The following TLE4 variants were observed in gnomAD, a reference collection of about 807,000 sequenced individuals.
TLE4 encodes TLE family member 4, transcriptional corepressor.
TLE4 carries 8 observed loss-of-function variants against 92.8 expected under a neutral mutation model. The ratio of observed to expected loss-of-function variants is 0.09; its 90% CI spans 0.05 to 0.16. The LOEUF is 0.16. Among genes scored for constraint, TLE4 ranks in the 10% least tolerant of loss-of-function variants. The pLI is 1.00. For synonymous variants in TLE4, 371 were observed against 374.1 expected (o/e 0.99, Z 0.10); for missense variants, 675 against 997.6 (o/e 0.68, Z 4.36).
At chr9:79,718,676 A>AT (rs1443668863) in intron 14 of TLE4, 46 bp from the exon 15 acceptor site, 5 of 1,573,078 alleles carry the variant, frequency 3.2e-6, no homozygotes, top group Non-Finnish European at 4.3e-6. Context: ...GTTAAGTGAC[A>AT]TTTTTTTACA....
intron 5 of TLE4, among the ~76,000 whole-genome samples, chr9:79,615,855 C>T (rs2049452096): frequency 6.6e-6 from 1 of 152,136 alleles, no homozygotes; most frequent in African/African-American, 2.4e-5. Flanking sequence ...CTGTTGCACT[C>T]ACGTACAACT....
intron 8 of TLE4, among the ~76,000 whole-genome samples, chr9:79,673,332 C>G (rs2062727961): frequency 6.6e-6 from 1 of 152,082 alleles, no homozygotes; most frequent in Admixed American, 6.6e-5. Context: ...TCCCTCTAAC[C>G]AAACAATTTC....
At chr9:79,653,937 A>T in intron 7 of TLE4, 122 bp from the exon 8 acceptor site, 1 of 1,145,164 alleles carries the variant, frequency 8.7e-7, no homozygotes, top group Non-Finnish European at 1.3e-6. Flanking sequence ...CATCTGTGTA[A>T]TTTATTATTT....
At chr9:79,709,872 G>T (rs961902865) in intron 14 of TLE4, among the ~76,000 whole-genome samples, 173 bp downstream of exon 14, 1 of 152,204 alleles carries the variant, frequency 6.6e-6, no homozygotes, top group African/African-American at 2.4e-5. Context: ...GTAATGAAGT[G>T]GGGTTTTGCA....
intron 5 of TLE4, among the ~76,000 whole-genome samples, chr9:79,617,959 TCCTTGCAC>T (rs1398927304): frequency 2.6e-5 from 4 of 152,252 alleles, no homozygotes; most frequent in African/African-American, 9.6e-5. Flanking sequence ...ACGTTCATCA[TCCTTGCAC>T]CATTGTGTCT....
At chr9:79,649,296 AC>A in intron 6 of TLE4, among the ~76,000 whole-genome samples, 1 of 151,500 alleles carries the variant, frequency 6.6e-6, no homozygotes, top group African/African-American at 2.4e-5. Context: ...ACACACACAC[AC>A]ACACAACAAG....
chr9:79,578,916 G>C (rs1443383040), intron 4 of TLE4, among the ~76,000 whole-genome samples: 2 of 147,538 alleles, frequency 1.4e-5, no homozygotes, highest in African/African-American at 5.0e-5. Context: ...GTAATCTTTA[G>C]GATTGATAGA....
intron 8 of TLE4, among the ~76,000 whole-genome samples, chr9:79,680,557 T>C (rs1157765229): frequency 2.0e-5 from 3 of 152,212 alleles, no homozygotes; most frequent in Admixed American, 6.5e-5. Context: ...AGATATACAA[T>C]CATGTCATCT....
At chr9:79,655,822 T>C (rs2059700189) in intron 8 of TLE4, among the ~76,000 whole-genome samples, 1 of 152,212 alleles carries the variant, frequency 6.6e-6, no homozygotes, top group Non-Finnish European at 1.5e-5. Flanking sequence ...TATATACCTT[T>C]AGGCAGTCCA....
rs1223800674 is a variant in TLE4 at position 79,660,592 on chromosome 9, C to T, written c.609+6517C>T. Among the ~76,000 whole-genome samples, 5 of 152,014 alleles carry T rather than the reference C, an allele frequency of 3.3e-5. No individual in the cohort carries two copies. The East Asian group carries it at 7.7e-4, about 23-fold the overall frequency. The stretch of plus-strand genomic sequence containing the variant: ...AAGACTTTTAGGTATTTATTTCTAC[C>T]ATGTATTTTACTATTTACAGTTATC... On this transcript the variant is annotated intron_variant, in intron 8 of 19. Coordinates refer to ENST00000376552, the MANE Select transcript of TLE4 (RefSeq NM_007005.6).
At chr9:79,720,963 A>G (rs113350911) in intron 16 of TLE4, among the ~76,000 whole-genome samples, 1,682 of 152,306 alleles carry the variant, frequency 0.011, 10 homozygotes, top group Non-Finnish European at 0.019. Flanking sequence ...CTAGGTGTCA[A>G]TACCCTAAGA....
chr9:79,653,161 A>G (rs1057186379), intron 7 of TLE4, among the ~76,000 whole-genome samples: 6 of 152,352 alleles, frequency 3.9e-5, no homozygotes, highest in African/African-American at 1.4e-4. Context: ...TCTTGCTGAT[A>G]AATGCTCACT....
At position 79,635,150 on chromosome 9, in the gene TLE4, G is replaced by A. The variant is rs1488308312; in HGVS notation, c.390+7702G>A. On this transcript the variant is annotated intron_variant, in intron 6 of 19. Transcript: ENST00000376552. The stretch of plus-strand genomic sequence containing the variant: ...TCTGCACTTGGAATTACAGGTTTTG[G>A]GGAGGTTATTTTAGCCATCCTAATA... 2.0e-5 allele frequency among the ~76,000 whole-genome samples: 3 copies of A among 152,164 alleles called. 1 individual carries two copies. The highest frequency in any genetic ancestry group is 1.3e-4 in the Admixed American group (2 of 15,280).
chr9:79,676,299 T>A (rs1364801491), intron 8 of TLE4, among the ~76,000 whole-genome samples: 1 of 152,200 alleles, frequency 6.6e-6, no homozygotes, highest in East Asian at 1.9e-4. Context: ...CTAAATTAAT[T>A]GTTTTCATGT....
chr9:79,725,171 T>C lies in TLE4; in HGVS notation c.*27T>C. On this transcript the variant is annotated 3_prime_UTR_variant, in exon 20 of 20. Transcript: ENST00000376552. Reference sequence around the variant, plus strand: ...GACAAATCTTCATGCAGACTGGACTTCTCCTCCTGGTAGCACTTTGCTCTG... The same window carrying C: ...GACAAATCTTCATGCAGACTGGACTCCTCCTCCTGGTAGCACTTTGCTCTG... 6.5e-7 allele frequency: 1 copy of C among 1,541,398 alleles called. No homozygotes were observed. The highest frequency in any genetic ancestry group is 9.0e-7 in the Non-Finnish European group (1 of 1,114,376).
intron 8 of TLE4, among the ~76,000 whole-genome samples, chr9:79,690,662 CAGGCT>C (rs1588291539): frequency 1.3e-5 from 2 of 151,228 alleles, no homozygotes; most frequent in East Asian, 3.9e-4. Context: ...CACTCTCACT[CAGGCT>C]GGAGTGCAGT....
At chr9:79,633,124 C>T (rs2054753842) in intron 6 of TLE4, among the ~76,000 whole-genome samples, 1 of 152,174 alleles carries the variant, frequency 6.6e-6, no homozygotes, top group Admixed American at 6.5e-5. Context: ...TCTAATCTTT[C>T]TGCTACGGTT....
chr9:79,572,217 G>C lies in TLE4; in HGVS notation c.-574G>C, dbSNP rs2036019816. The C allele has an allele frequency of 6.6e-6, 1 of 152,044 alleles. No individual in the cohort carries two copies. The allele number at this position is 152,044 out of a possible 1,614,324, so 9.4% of individuals were successfully genotyped here. A position where few individuals can be genotyped will look rare whatever the true frequency, so the allele number is the denominator to read the frequency against. On this transcript the variant is annotated 5_prime_UTR_variant, in exon 1 of 20. Transcript: ENST00000376552. ...TGAGATGTGGTAAAAGAAGCTAAAA[G>C]GTGCCTTTTAAAAGATCGTTGCTGT...
Position 79,572,845 on chromosome 9 carries a change from G to A in TLE4, c.45+10G>A, listed in dbSNP as rs770026944. The A allele has an allele frequency of 1.9e-6, 3 of 1,594,258 alleles. No individual in the cohort carries two copies. Among genetic ancestry groups the A allele is most frequent in the Non-Finnish European group, 2.6e-6 (3 of 1,171,202 alleles). On this transcript the variant is annotated intron_variant, in intron 1 of 19. Transcript: ENST00000376552. Reference sequence around the variant, plus strand: ...GCAGACCAGACACCCAGTGAGTGCGGGCGGCGGGGCGCGGGCTCGCCGGGT... The same window carrying A: ...GCAGACCAGACACCCAGTGAGTGCGAGCGGCGGGGCGCGGGCTCGCCGGGT...
Sources: allele counts gnomAD v4.1 joint callset (sites outside exome capture counted in the v4.1 genomes callset), GRCh38; gene constraint gnomAD v4.1.1; transcripts MANE v1.5; gene names NCBI Gene and HGNC (gene_info 2026-07-23, HGNC 2026-07-21).